DLGAP1: variants seen among roughly 807,000 people sequenced by gnomAD.
The protein encoded by DLGAP1 is disks large-associated protein 1.
DLGAP1 carries 11 observed loss-of-function variants against 90.8 expected under a neutral mutation model. That is an observed-to-expected ratio of 0.12 (90% CI 0.08 to 0.20). The LOEUF (loss-of-function observed/expected upper bound fraction) is 0.20. Among genes scored for constraint, DLGAP1 ranks in the 10% least tolerant of loss-of-function variants. The pLI is 1.00. For missense variants in DLGAP1, 1,050 were observed against 1,333.8 expected (o/e 0.79, Z 3.31); for synonymous variants, 558 against 540.7 (o/e 1.03, Z -0.44).
chr18:3,598,929 C>T (rs951518220), intron 7 of DLGAP1, among the ~76,000 whole-genome samples: 1 of 152,000 alleles, frequency 6.6e-6, no homozygotes, highest in South Asian at 2.1e-4. Context: ...GGCGCCACCA[C>T]ACCCGGCTAA....
chr18:3,872,842 C>T (rs1040312522), intron 4 of DLGAP1, among the ~76,000 whole-genome samples: 7 of 152,094 alleles, frequency 4.6e-5, no homozygotes, highest in East Asian at 1.9e-4. Context: ...AAAGGGGAAA[C>T]GAAATCTACT....
At chr18:4,073,658 A>C (rs2075482899) in intron 2 of DLGAP1, among the ~76,000 whole-genome samples, 1 of 152,214 alleles carries the variant, frequency 6.6e-6, no homozygotes, top group African/African-American at 2.4e-5. Flanking sequence ...CAAAAAACTA[A>C]GTGGATAGAA....
intron 2 of DLGAP1, among the ~76,000 whole-genome samples, chr18:4,089,516 A>C (rs2075736390): frequency 6.6e-6 from 1 of 152,214 alleles, no homozygotes; most frequent in Non-Finnish European, 1.5e-5. Context: ...CAAAAAAAAC[A>C]AAGCTGAAGC....
chr18:4,294,676 G>A (rs796777915), intron 1 of DLGAP1: 7 of 152,318 alleles, frequency 4.6e-5, no homozygotes, highest in African/African-American at 1.7e-4. Context: ...TAGCTTAGTG[G>A]ACCCTCTGCC....
intron 1 of DLGAP1, among the ~76,000 whole-genome samples, chr18:4,324,624 T>C (rs1010109888): frequency 1.3e-5 from 2 of 151,910 alleles, no homozygotes; most frequent in Admixed American, 1.3e-4. Flanking sequence ...CTCAACAAAA[T>C]ACTACCAAAT....
chr18:4,187,609 T>G (rs994337398), intron 1 of DLGAP1, among the ~76,000 whole-genome samples: 4 of 152,168 alleles, frequency 2.6e-5, no homozygotes, highest in African/African-American at 7.2e-5. Context: ...CCATTTTCTG[T>G]ATTGTTGCTG....
Position 3,508,673 on chromosome 18 carries a change from A to G in DLGAP1, c.2480-12T>C. 1.2e-6 allele frequency: 2 copies of G among 1,605,900 alleles called. No homozygotes were observed. Among genetic ancestry groups the G allele is most frequent in the Non-Finnish European group, 1.7e-6 (2 of 1,173,592 alleles). On this transcript the variant is annotated splice_polypyrimidine_tract_variant and intron_variant, in intron 10 of 12. Transcript: ENST00000315677. ...GATTTTTCCTAGAACTGGAAAGAGC[A>G]AACATACGAGAAATTTACACATCAT...
At chr18:3,853,496 G>A (rs2069458692) in intron 4 of DLGAP1, among the ~76,000 whole-genome samples, 1 of 151,580 alleles carries the variant, frequency 6.6e-6, no homozygotes, top group Admixed American at 6.6e-5. Flanking sequence ...GTAACAGGCG[G>A]TAAGATTCTG....
At chr18:4,332,306 A>G (rs1184709671) in intron 1 of DLGAP1, among the ~76,000 whole-genome samples, 1 of 151,948 alleles carries the variant, frequency 6.6e-6, no homozygotes, top group Non-Finnish European at 1.5e-5. Flanking sequence ...AACATGCTCA[A>G]TGTGGCTCAA....
At chr18:3,794,760 T>C (rs2065902864) in intron 5 of DLGAP1, among the ~76,000 whole-genome samples, 1 of 152,252 alleles carries the variant, frequency 6.6e-6, no homozygotes, top group Non-Finnish European at 1.5e-5. Flanking sequence ...GCTGTGTGGC[T>C]GGGAGTTACT....
chr18:3,553,221 A>G (rs2053572043), intron 9 of DLGAP1, among the ~76,000 whole-genome samples: 2 of 152,210 alleles, frequency 1.3e-5, no homozygotes, highest in Admixed American at 1.3e-4. Flanking sequence ...TGAATTTTCA[A>G]TAGTAAAAAG....
At chr18:4,219,014 T>C (rs1339312740) in intron 1 of DLGAP1, among the ~76,000 whole-genome samples, 1 of 146,706 alleles carries the variant, frequency 6.8e-6, no homozygotes, top group Non-Finnish European at 1.5e-5. Context: ...GGTCTTATGC[T>C]AGTTCTATCT....
At chr18:3,648,678 T>C (rs1427969975) in intron 7 of DLGAP1, among the ~76,000 whole-genome samples, 3 of 152,238 alleles carry the variant, frequency 2.0e-5, no homozygotes, top group Non-Finnish European at 4.4e-5. Context: ...TCTTATGCAA[T>C]GTAATAGAGT....
rs774195870 is a variant in DLGAP1 at position 3,534,362 on chromosome 18, G to A, written c.2311C>T (p.Pro771Ser). Reference sequence around the variant, plus strand: ...TCTTCAGTGATAGAGTCAATCCAGGGGTCCGGAGGAGGCAGAATAGAGGGG... The same window carrying A: ...TCTTCAGTGATAGAGTCAATCCAGGAGTCCGGAGGAGGCAGAATAGAGGGG... ...FDPSILPPPD[P>S]WIDSITEDPL... The change falls in exon 10 of 13, where the codon CCC (proline) becomes TCC (serine). Residue 771 changes from proline (P) to serine (S), a missense_variant. By Grantham distance (74) the Pro-to-Ser change is moderately conservative. Coordinates refer to ENST00000315677, the MANE Select transcript of DLGAP1 (RefSeq NM_004746.4). The A allele has an allele frequency of 1.2e-6, 2 of 1,614,124 alleles. No homozygotes were observed.
chr18:4,343,636 C>T (rs2081245897), intron 1 of DLGAP1, among the ~76,000 whole-genome samples: 1 of 151,786 alleles, frequency 6.6e-6, no homozygotes, highest in Non-Finnish European at 1.5e-5. Context: ...ACATCACACA[C>T]TGGTGCCTGT....
chr18:3,840,691 A>G (rs1246262870), intron 4 of DLGAP1, among the ~76,000 whole-genome samples: 1 of 152,170 alleles, frequency 6.6e-6, no homozygotes, highest in Non-Finnish European at 1.5e-5. Context: ...CACTAACACC[A>G]TTGTTAATCG....
In DLGAP1 at chr18:3,619,076, G is replaced by A. The variant is rs549207346; in HGVS notation, c.1592-36828C>T. Among the ~76,000 whole-genome samples, 89 of 152,266 alleles carry A rather than the reference G, an allele frequency of 5.8e-4. No individual in the cohort carries two copies. In the Middle Eastern group the frequency reaches 0.02, roughly 35 times the overall value. ...GAGGACAGAGAGAGGCCAGCCACCC[G>A]CAAGCCACAGAGAGAGGCCTCAGAA... On this transcript the variant is annotated intron_variant, in intron 7 of 12. Transcript: ENST00000315677.
intron 4 of DLGAP1, among the ~76,000 whole-genome samples, chr18:3,834,794 G>T (rs1297202846): frequency 6.6e-6 from 1 of 152,170 alleles, no homozygotes; most frequent in Non-Finnish European, 1.5e-5. Context: ...ATTAGCATAT[G>T]TAACTTTTAT....
chr18:4,416,631 A>G (rs1225403826), intron 1 of DLGAP1, among the ~76,000 whole-genome samples: 1 of 152,226 alleles, frequency 6.6e-6, no homozygotes, highest in East Asian at 1.9e-4. Context: ...AACTTTCTAT[A>G]AGATCCAATA....
Sources: gnomAD v4.1 joint callset for allele counts (sites outside exome capture counted in the v4.1 genomes callset) on GRCh38, gnomAD v4.1.1 for gene constraint, MANE v1.5 for transcripts, NCBI Gene and HGNC (gene_info 2026-07-23, HGNC 2026-07-21) for gene names.